Variants in ZBTB8A observed in about 807,000 individuals in gnomAD.
The protein encoded by ZBTB8A is zinc finger and BTB domain containing 8A.
ZBTB8A carries 19 observed loss-of-function variants against 37.8 expected under a neutral mutation model. The observed-to-expected ratio is 0.50, with a 90% CI of 0.35 to 0.74. The LOEUF is 0.74. Among genes scored for constraint, ZBTB8A ranks in the 30% least tolerant of loss-of-function variants. The pLI is 0.01. For synonymous variants in ZBTB8A, 181 were observed against 185.2 expected (o/e 0.98, Z 0.19); for missense variants, 394 against 537.8 (o/e 0.73, Z 2.65).
At chr1:32,550,078 C>G (rs1644139355) in intron 1 of ZBTB8A, among the ~76,000 whole-genome samples, 2 of 152,018 alleles carry the variant, frequency 1.3e-5, no homozygotes, top group African/African-American at 2.4e-5. Flanking sequence ...GATGTTGATG[C>G]CGGTCGTGGT....
At chr1:32,551,598 G>A (rs1404023838) in intron 1 of ZBTB8A, among the ~76,000 whole-genome samples, 3 of 151,990 alleles carry the variant, frequency 2.0e-5, no homozygotes, top group Admixed American at 6.6e-5. Flanking sequence ...CTGTAATCCC[G>A]CTACTCGGCA....
At chr1:32,588,578 T>A (rs1253871223) in intron 2 of ZBTB8A, among the ~76,000 whole-genome samples, 2 of 151,948 alleles carry the variant, frequency 1.3e-5, no homozygotes, top group East Asian at 3.8e-4. Flanking sequence ...AGTGTCCTGG[T>A]GGTCAAATGA....
intron 3 of ZBTB8A, among the ~76,000 whole-genome samples, chr1:32,594,568 C>T (rs1350541474): frequency 2.0e-5 from 3 of 152,082 alleles, no homozygotes; most frequent in Non-Finnish European, 4.4e-5. Flanking sequence ...CAAGACCAAC[C>T]TGACCAACAT....
chr1:32,567,814 A>C (rs796121343), intron 2 of ZBTB8A, among the ~76,000 whole-genome samples: 6,265 of 30,454 alleles, frequency 0.21, 1,015 homozygotes, highest in African/African-American at 0.39. Flanking sequence ...AAAAAAAAAA[A>C]AAAAAAAAAC....
At chr1:32,589,615 T>TCTCTG (rs1200832687) in intron 2 of ZBTB8A, among the ~76,000 whole-genome samples, 1 of 151,724 alleles carries the variant, frequency 6.6e-6, no homozygotes, top group Non-Finnish European at 1.5e-5. Flanking sequence ...AGTGGCGCAA[T>TCTCTG]CTCTGCTCAC....
chr1:32,550,364 A>C (rs1463262923), intron 1 of ZBTB8A, among the ~76,000 whole-genome samples: 1 of 152,158 alleles, frequency 6.6e-6, no homozygotes, highest in Non-Finnish European at 1.5e-5. Flanking sequence ...CTGTAATCCC[A>C]ACACTTTGGG....
chr1:32,588,792 TG>T (rs1318007741), intron 2 of ZBTB8A, among the ~76,000 whole-genome samples: 2 of 152,164 alleles, frequency 1.3e-5, no homozygotes, highest in East Asian at 3.9e-4. Flanking sequence ...GAGACCAGCC[TG>T]GCCAACATGG....
At chr1:32,577,706 C>T (rs1013743301) in intron 2 of ZBTB8A, among the ~76,000 whole-genome samples, 10 of 150,574 alleles carry the variant, frequency 6.6e-5, no homozygotes, top group African/African-American at 2.2e-4. Context: ...CCTAGCCTCC[C>T]GAGTAACTGG....
rs1041759503 is a variant in ZBTB8A, at chr1:32,605,032, T to G, written c.*4613T>G. 6.6e-6 allele frequency: 1 copy of G among 150,904 alleles called. No individual in the cohort carries two copies. The highest frequency in any genetic ancestry group is 1.5e-5 in the Non-Finnish European group (1 of 67,990). The allele number at this position is 150,904 out of a possible 1,614,324, so 9.3% of individuals were successfully genotyped here. A position where few individuals can be genotyped will look rare whatever the true frequency, so the allele number is the denominator to read the frequency against. ...TGGGCATGATGGTGGGTGCCTGTAATCCCAGGTACTCGGGAGGCTGAGGCA... is the reference window on the plus strand; with the variant it reads ...TGGGCATGATGGTGGGTGCCTGTAAGCCCAGGTACTCGGGAGGCTGAGGCA... On this transcript the variant is annotated 3_prime_UTR_variant, in exon 5 of 5. Coordinates refer to ENST00000373510, the MANE Select transcript of ZBTB8A (RefSeq NM_001040441.3).
At chr1:32,552,898 T>C (rs1469040865) in intron 1 of ZBTB8A, among the ~76,000 whole-genome samples, 1 of 146,272 alleles carries the variant, frequency 6.8e-6, no homozygotes, top group Non-Finnish European at 1.5e-5. Flanking sequence ...ATTTATATTG[T>C]ATATTATATT....
At chr1:32,567,295 C>T (rs772534142) in intron 2 of ZBTB8A, among the ~76,000 whole-genome samples, 8 of 152,044 alleles carry the variant, frequency 5.3e-5, no homozygotes, top group African/African-American at 1.7e-4. Context: ...GAAATCCGCC[C>T]GCATGATCCA....
rs1353665507 is a variant in ZBTB8A, at chr1:32,604,964, A to G, written c.*4545A>G. On this transcript the variant is annotated 3_prime_UTR_variant, in exon 5 of 5. Coordinates refer to ENST00000373510, the MANE Select transcript of ZBTB8A (RefSeq NM_001040441.3). ...CCAGGTGTTCGAGACCATCCTGGCCAACATGGTGAAACCCCGTCTCTAGTA... is the reference window on the plus strand; with the variant it reads ...CCAGGTGTTCGAGACCATCCTGGCCGACATGGTGAAACCCCGTCTCTAGTA... 1.3e-5 allele frequency: 2 copies of G among 151,712 alleles called. No individual in the cohort carries two copies. The highest frequency in any genetic ancestry group is 6.6e-5 in the Admixed American group (1 of 15,216). The allele number at this position is 151,712 out of a possible 1,614,324, so 9.4% of individuals were successfully genotyped here.
intron 1 of ZBTB8A, among the ~76,000 whole-genome samples, chr1:32,547,456 G>T (rs1437766767): frequency 1.3e-5 from 2 of 149,530 alleles, no homozygotes; most frequent in Non-Finnish European, 3.0e-5. Context: ...TGGGCTCAAG[G>T]GATCTTCCCT....
rs568742563 is a variant in ZBTB8A at position 32,602,624 on chromosome 1, C to T, written c.*2205C>T. ...GGAGTGCAGTGGTGCAATCTCAGCTCACTGCAAGCTCCACCTCCCGGGTTC... is the reference window on the plus strand; with the variant it reads ...GGAGTGCAGTGGTGCAATCTCAGCTTACTGCAAGCTCCACCTCCCGGGTTC... On this transcript the variant is annotated 3_prime_UTR_variant, in exon 5 of 5. Coordinates refer to ENST00000373510, the MANE Select transcript of ZBTB8A (RefSeq NM_001040441.3). 3.3e-5 allele frequency: 5 copies of T among 151,932 alleles called. No homozygotes were observed. In the East Asian group the frequency reaches 7.8e-4, roughly 24 times the overall value. The allele number at this position is 151,932 out of a possible 1,614,324, so 9.4% of individuals were successfully genotyped here. A position where few individuals can be genotyped will look rare whatever the true frequency, so the allele number is the denominator to read the frequency against.
At chr1:32,572,754 T>G (rs1428044114) in intron 2 of ZBTB8A, among the ~76,000 whole-genome samples, 1 of 152,164 alleles carries the variant, frequency 6.6e-6, no homozygotes, top group Non-Finnish European at 1.5e-5. Context: ...TTCATTTAAT[T>G]TGTTGAATGT....
intron 1 of ZBTB8A, among the ~76,000 whole-genome samples, chr1:32,549,353 G>A (rs1020442329): frequency 2.6e-5 from 4 of 152,026 alleles, no homozygotes; most frequent in East Asian, 1.9e-4. Flanking sequence ...AATTAGCCAC[G>A]CATGGTGGGA....
chr1:32,593,407 G>A lies in ZBTB8A; in HGVS notation c.476G>A (p.Ser159Asn), dbSNP rs770418162. The A allele has an allele frequency of 6.2e-7, 1 of 1,614,038 alleles. No individual in the cohort carries two copies. Among genetic ancestry groups the A allele is most frequent in the Non-Finnish European group, 8.5e-7 (1 of 1,180,030 alleles). The change falls in exon 3 of 5, where the codon AGC becomes AAC. Residue 159 changes from serine to asparagine, a missense_variant. This residue lies in a region of ZBTB8A where 171 missense variants were observed against 186.8 expected (regional missense o/e 0.92). Transcript: ENST00000373510. ...SFYSGGWQEG[S>N]SSPRSHLSPE... ...TATAGTGGTGGCTGGCAAGAAGGAAGCAGTTCTCCACGTTCTCACCTAAGC... is the reference window on the plus strand; with the variant it reads ...TATAGTGGTGGCTGGCAAGAAGGAAACAGTTCTCCACGTTCTCACCTAAGC...
At chr1:32,545,819 C>T (rs1644099153) in intron 1 of ZBTB8A, among the ~76,000 whole-genome samples, 1 of 152,190 alleles carries the variant, frequency 6.6e-6, no homozygotes, top group Non-Finnish European at 1.5e-5. Flanking sequence ...CAAGACCCAA[C>T]CTAAACGTTG....
intron 2 of ZBTB8A, among the ~76,000 whole-genome samples, chr1:32,568,188 C>T (rs1179728961): frequency 6.6e-6 from 1 of 151,908 alleles, no homozygotes; most frequent in Non-Finnish European, 1.5e-5. Context: ...AGTAAAATGC[C>T]CCCATTGTAA....
Sources: allele counts gnomAD v4.1 joint callset (sites outside exome capture counted in the v4.1 genomes callset), GRCh38; gene constraint gnomAD v4.1.1; regional missense constraint gnomAD v4.1.1; transcripts MANE v1.5; gene names NCBI Gene and HGNC (gene_info 2026-07-23, HGNC 2026-07-21).